The following IL15 variants were observed in gnomAD, a reference collection of about 807,000 sequenced individuals.
The protein encoded by IL15 is interleukin-15.
IL15 carries 11 observed loss-of-function variants against 19.6 expected under a neutral mutation model. The ratio of observed to expected loss-of-function variants is 0.56; its 90% CI spans 0.35 to 0.93. The LOEUF (loss-of-function observed/expected upper bound fraction) is 0.93, where lower values mean the gene tolerates loss of function less well. Among genes scored for constraint, IL15 ranks in the 40% least tolerant of loss-of-function variants. The pLI, the probability that IL15 is intolerant of heterozygous loss-of-function variation, is 0.01. For synonymous variants in IL15, 58 were observed against 59.6 expected, an observed-to-expected ratio of 0.97 and a Z score of 0.12; for missense variants, 197 against 186.5, an observed-to-expected ratio of 1.06 and a Z score of -0.33.
intron 2 of IL15, among the ~76,000 whole-genome samples, chr4:141,687,696 C>T (rs1022846607): frequency 3.3e-5 from 5 of 152,168 alleles, no homozygotes; most frequent in Non-Finnish European, 1.5e-5. Flanking sequence ...CAGTGAATGC[C>T]TTTTTAAATT....
chr4:141,715,170 C>T (rs1459251938), intron 2 of IL15: 6 of 152,116 alleles, frequency 3.9e-5, no homozygotes. Flanking sequence ...TTATATTAGT[C>T]CTATCATAAA....
At chr4:141,651,737 T>A (rs943543123) in intron 1 of IL15, among the ~76,000 whole-genome samples, 1 of 152,110 alleles carries the variant, frequency 6.6e-6, no homozygotes, top group Non-Finnish European at 1.5e-5. Flanking sequence ...ATTTTCTTTG[T>A]TCTCACTCCG....
At chr4:141,728,324 T>C (rs1486176718) in intron 6 of IL15, among the ~76,000 whole-genome samples, 1 of 152,128 alleles carries the variant, frequency 6.6e-6, no homozygotes, top group African/African-American at 2.4e-5. Flanking sequence ...GTAGCCAATA[T>C]ATCAGTTATT....
At chr4:141,709,317 G>A (rs565455439) in intron 2 of IL15, among the ~76,000 whole-genome samples, 42 of 152,140 alleles carry the variant, frequency 2.8e-4, no homozygotes, top group African/African-American at 1.0e-3. Flanking sequence ...CTATCACTGT[G>A]GTGTAGGATG....
chr4:141,677,576 G>A (rs987626933), intron 2 of IL15, among the ~76,000 whole-genome samples: 1 of 152,146 alleles, frequency 6.6e-6, no homozygotes, highest in South Asian at 2.1e-4. Flanking sequence ...AGTTGTAGGA[G>A]TGAGGTACCA....
chr4:141,693,705 G>T (rs1459169356), intron 2 of IL15, among the ~76,000 whole-genome samples: 2 of 152,148 alleles, frequency 1.3e-5, no homozygotes, highest in African/African-American at 2.4e-5. Context: ...AAATGATTTA[G>T]ATACACATTT....
At chr4:141,685,367 C>T (rs1003594604) in intron 2 of IL15, among the ~76,000 whole-genome samples, 1 of 152,034 alleles carries the variant, frequency 6.6e-6, no homozygotes, top group African/African-American at 2.4e-5. Flanking sequence ...ATGTATGAAA[C>T]AAGTACACAA....
At chr4:141,660,487 G>C (rs1045595617) in intron 2 of IL15, among the ~76,000 whole-genome samples, 1 of 152,122 alleles carries the variant, frequency 6.6e-6, no homozygotes, top group Admixed American at 6.6e-5. Context: ...CATTATAGAA[G>C]AGTGAAAACT....
At chr4:141,688,520 T>C (rs1479996645) in intron 2 of IL15, among the ~76,000 whole-genome samples, 1 of 152,178 alleles carries the variant, frequency 6.6e-6, no homozygotes, top group Non-Finnish European at 1.5e-5. Flanking sequence ...CTGTGACCAA[T>C]AACCTGAAGC....
chr4:141,660,760 T>C (rs1011896611), intron 2 of IL15, among the ~76,000 whole-genome samples: 1 of 152,348 alleles, frequency 6.6e-6, no homozygotes, highest in African/African-American at 2.4e-5. Context: ...TTGATTATTA[T>C]AAATAGCACT....
At chr4:141,721,555 GTC>G (rs1730081980) in intron 4 of IL15, 3 of 525,008 alleles carry the variant, frequency 5.7e-6, no homozygotes, top group Middle Eastern at 3.5e-4. Flanking sequence ...AGACTTCAAA[GTC>G]TCTGTAAATC....
intron 2 of IL15, among the ~76,000 whole-genome samples, chr4:141,660,340 G>A (rs1395637126): frequency 2.0e-5 from 3 of 152,048 alleles, no homozygotes; most frequent in Non-Finnish European, 4.4e-5. Flanking sequence ...TTCACTCAAG[G>A]CCCCTCCTCT....
intron 2 of IL15, chr4:141,715,859 T>C (rs1159548276): frequency 6.6e-6 from 1 of 152,194 alleles, no homozygotes; most frequent in African/African-American, 2.4e-5. Flanking sequence ...AGATCATCTT[T>C]CCTCACTGGG....
intron 5 of IL15, among the ~76,000 whole-genome samples, chr4:141,724,822 AG>A (rs1401578933): frequency 6.6e-6 from 1 of 152,160 alleles, no homozygotes; most frequent in Non-Finnish European, 1.5e-5. Context: ...GCTCCCAAAA[AG>A]GGACCTTCAA....
At chr4:141,672,367 A>G (rs978332467) in intron 2 of IL15, among the ~76,000 whole-genome samples, 3 of 152,220 alleles carry the variant, frequency 2.0e-5, no homozygotes, top group Non-Finnish European at 4.4e-5. Flanking sequence ...ATCTAAGTAT[A>G]TAACCAATGG....
At chr4:141,716,429 C>T (rs1387129389) in intron 2 of IL15, 1 of 152,174 alleles carries the variant, frequency 6.6e-6, no homozygotes, top group Non-Finnish European at 1.5e-5. Context: ...GCAGCTTGAC[C>T]CACTGCTTCA....
At chr4:141,640,858 C>G (rs1010355035) in intron 1 of IL15, among the ~76,000 whole-genome samples, 12 of 152,118 alleles carry the variant, frequency 7.9e-5, no homozygotes, top group African/African-American at 2.9e-4. Context: ...CAGACAAAAT[C>G]AGGAAAGTGA....
intron 1 of IL15, among the ~76,000 whole-genome samples, chr4:141,639,022 T>C (rs761471478): frequency 2.6e-5 from 4 of 152,370 alleles, no homozygotes; most frequent in Admixed American, 1.3e-4. Flanking sequence ...ACTTAAGTTA[T>C]GAGAAACAGT....
intron 2 of IL15, among the ~76,000 whole-genome samples, chr4:141,660,766 G>A (rs1727760403): frequency 6.6e-6 from 1 of 152,080 alleles, no homozygotes; most frequent in Admixed American, 6.5e-5. Flanking sequence ...ATTATAAATA[G>A]CACTTCAGTG....
Sources: allele counts gnomAD v4.1 joint callset (sites outside exome capture counted in the v4.1 genomes callset), GRCh38; gene constraint gnomAD v4.1.1; transcripts MANE v1.5; gene names NCBI Gene and HGNC (gene_info 2026-07-23, HGNC 2026-07-21).